Variants in ADAMTS18 observed in about 807,000 individuals in gnomAD.
ADAMTS18 encodes ADAM metallopeptidase with thrombospondin type 1 motif 18.
A neutral mutation model predicts 165.9 loss-of-function variants in ADAMTS18; 157 were observed. That is an observed-to-expected ratio of 0.95 (90% CI 0.83 to 1.08). The LOEUF is 1.08. Among genes scored for constraint, ADAMTS18 ranks in the 50% least tolerant of loss-of-function variants. The pLI is 0.00. For synonymous variants in ADAMTS18, 782 were observed against 578.2 expected, an observed-to-expected ratio of 1.35 and a Z score of -5.06; for missense variants, 2,040 against 1,534.0, an observed-to-expected ratio of 1.33 and a Z score of -5.51.
At chr16:77,383,661 G>C (rs1229843589) in intron 3 of ADAMTS18, among the ~76,000 whole-genome samples, 1 of 152,044 alleles carries the variant, frequency 6.6e-6, no homozygotes, top group Non-Finnish European at 1.5e-5. Context: ...ATCTGCCTCA[G>C]CCTCCCAAGT....
intron 7 of ADAMTS18, 92 bp downstream of exon 7, chr16:77,362,013 A>G: frequency 1.5e-6 from 2 of 1,375,952 alleles, no homozygotes; most frequent in Non-Finnish European, 2.1e-6. Context: ...TCTGTTTATT[A>G]AGGAACATAA....
At chr16:77,300,139 T>C (rs1474890492) in intron 17 of ADAMTS18, 124 bp downstream of exon 17, 23 of 1,156,558 alleles carry the variant, frequency 2.0e-5, no homozygotes, top group South Asian at 7.9e-5. Context: ...TTTATGGTGA[T>C]GGTTCTCATA....
intron 4 of ADAMTS18, among the ~76,000 whole-genome samples, chr16:77,366,703 C>G (rs933815306): frequency 6.6e-6 from 1 of 151,958 alleles, no homozygotes; most frequent in African/African-American, 2.4e-5. Flanking sequence ...TAAGTATTTC[C>G]AATAAAAATT....
intron 15 of ADAMTS18, among the ~76,000 whole-genome samples, chr16:77,320,784 CA>C (rs2055982528): frequency 6.6e-6 from 1 of 152,192 alleles, no homozygotes. Flanking sequence ...GTAGAGATCA[CA>C]TAAGTTTCAC....
At chr16:77,394,534 G>T (rs1207988179) in intron 3 of ADAMTS18, among the ~76,000 whole-genome samples, 1 of 152,140 alleles carries the variant, frequency 6.6e-6, no homozygotes, top group African/African-American at 2.4e-5. Flanking sequence ...TTAGAAATTT[G>T]TGTGAAAAGG....
intron 3 of ADAMTS18, among the ~76,000 whole-genome samples, chr16:77,407,498 T>A (rs2057408101): frequency 6.6e-6 from 1 of 151,932 alleles, no homozygotes; most frequent in Non-Finnish European, 1.5e-5. Context: ...GTCACGACAA[T>A]CCAAAAGTAC....
rs201193356 is a variant in ADAMTS18 at position 77,291,322 on chromosome 16, G to C, written c.3346C>G (p.Pro1116Ala). The C allele has an allele frequency of 1.2e-6, 2 of 1,614,144 alleles. No individual in the cohort carries two copies. The highest frequency in any genetic ancestry group is 1.7e-6 in the Non-Finnish European group (2 of 1,179,998). Residue 1116 changes from proline to alanine, a missense_variant, in exon 21 of 23, where the codon CCA (proline) becomes GCA (alanine). By Grantham distance (27) the Pro-to-Ala change is conservative. Coordinates refer to ENST00000282849, the MANE Select transcript of ADAMTS18 (RefSeq NM_199355.4). ...LEETCNRRACPAHPVYNMVAG... is the reference protein window; with the variant it reads ...LEETCNRRACAAHPVYNMVAG... ...ACCATGTTGTACACTGGATGGGCTGGGCAAGCCCGTCGGTTGCAGGTCTCT... is the reference window on the plus strand; with the variant it reads ...ACCATGTTGTACACTGGATGGGCTGCGCAAGCCCGTCGGTTGCAGGTCTCT...
chr16:77,286,300 T>G (rs1320179082), intron 22 of ADAMTS18, among the ~76,000 whole-genome samples: 1 of 152,152 alleles, frequency 6.6e-6, no homozygotes, highest in Non-Finnish European at 1.5e-5. Flanking sequence ...TCCTATTTCC[T>G]CACCCCTTCA....
chr16:77,309,622 T>C (rs1475973010), intron 16 of ADAMTS18, among the ~76,000 whole-genome samples: 2 of 152,216 alleles, frequency 1.3e-5, no homozygotes, highest in East Asian at 3.8e-4. Flanking sequence ...AGACATCCTA[T>C]AAAGTTTTGA....
chr16:77,356,519 A>G (rs2056632910), intron 8 of ADAMTS18, among the ~76,000 whole-genome samples: 1 of 152,160 alleles, frequency 6.6e-6, no homozygotes, highest in South Asian at 2.1e-4. Context: ...TTGTTTATGA[A>G]CTGTTCATAT....
intron 3 of ADAMTS18, among the ~76,000 whole-genome samples, chr16:77,430,100 G>A (rs537444223): frequency 6.6e-6 from 1 of 152,202 alleles, no homozygotes; most frequent in South Asian, 2.1e-4. Context: ...ACAGAAGAAA[G>A]AGAAATACAA....
At chr16:77,293,298 G>A (rs750462589) in intron 19 of ADAMTS18, 40 bp from the exon 20 acceptor site, 2 of 1,532,430 alleles carry the variant, frequency 1.3e-6, no homozygotes, top group South Asian at 1.1e-5. Context: ...TTCCCATTAG[G>A]TTTCAGTAGC....
intron 16 of ADAMTS18, among the ~76,000 whole-genome samples, chr16:77,307,389 T>C (rs1400673491): frequency 6.6e-6 from 1 of 152,154 alleles, no homozygotes; most frequent in African/African-American, 2.4e-5. Flanking sequence ...AGTGATTGAA[T>C]TTGACAAGAG....
intron 3 of ADAMTS18, among the ~76,000 whole-genome samples, chr16:77,401,877 T>G (rs1479553850): frequency 6.6e-6 from 1 of 152,216 alleles, no homozygotes; most frequent in African/African-American, 2.4e-5. Context: ...CTCCAGGTTC[T>G]TGGACTTCTG....
At chr16:77,370,020 A>C (rs767303448) in intron 3 of ADAMTS18, among the ~76,000 whole-genome samples, 2 of 152,242 alleles carry the variant, frequency 1.3e-5, no homozygotes, top group Non-Finnish European at 2.9e-5. Context: ...GCATTTGATA[A>C]AATTTAACAT....
intron 12 of ADAMTS18, among the ~76,000 whole-genome samples, chr16:77,332,191 C>T (rs1389043568): frequency 1.3e-5 from 2 of 152,162 alleles, no homozygotes; most frequent in East Asian, 1.9e-4. Context: ...ACTTCAGAGT[C>T]TATGTTCTCA....
At chr16:77,357,488 C>T (rs1446225705) in intron 8 of ADAMTS18, among the ~76,000 whole-genome samples, 1 of 152,044 alleles carries the variant, frequency 6.6e-6, no homozygotes, top group Non-Finnish European at 1.5e-5. Flanking sequence ...TGGGAGACAC[C>T]CTTTCTAAAT....
At chr16:77,394,122 C>G (rs966505710) in intron 3 of ADAMTS18, among the ~76,000 whole-genome samples, 5 of 152,248 alleles carry the variant, frequency 3.3e-5, no homozygotes, top group African/African-American at 1.2e-4. Flanking sequence ...AACTTGATAT[C>G]ACTGCACATT....
intron 3 of ADAMTS18, among the ~76,000 whole-genome samples, chr16:77,406,042 T>G (rs535035640): frequency 6.6e-6 from 1 of 152,200 alleles, no homozygotes; most frequent in South Asian, 2.1e-4. Context: ...AGTCTAACTT[T>G]GATACCCAAA....
Sources: allele counts gnomAD v4.1 joint callset (sites outside exome capture counted in the v4.1 genomes callset), GRCh38; gene constraint gnomAD v4.1.1; transcripts MANE v1.5; gene names NCBI Gene and HGNC (gene_info 2026-07-23, HGNC 2026-07-21).